ASIC2: variants seen among roughly 807,000 people sequenced by gnomAD.
The protein encoded by ASIC2 is acid sensing ion channel subunit 2.
In ASIC2, 25 loss-of-function variants were observed where a neutral mutation model predicts 57.3. That is an observed-to-expected ratio of 0.44 (90% CI 0.32 to 0.61). The LOEUF (loss-of-function observed/expected upper bound fraction) is 0.61, where lower values mean the gene tolerates loss of function less well. Among genes scored for constraint, ASIC2 ranks in the 20% least tolerant of loss-of-function variants. ASIC2 has a pLI of 0.06. For synonymous variants in ASIC2, 319 were observed against 307.5 expected (o/e 1.04, Z -0.39); for missense variants, 641 against 738.1 (o/e 0.87, Z 1.52).
chr17:33,696,521 A>G (rs1237087118), intron 1 of ASIC2, among the ~76,000 whole-genome samples: 1 of 152,234 alleles, frequency 6.6e-6, no homozygotes, highest in Non-Finnish European at 1.5e-5. Context: ...GAGGATGAGC[A>G]AAGTAGAGTT....
intron 2 of ASIC2, among the ~76,000 whole-genome samples, chr17:33,100,589 C>G (rs2092208228): frequency 6.6e-6 from 1 of 152,236 alleles, no homozygotes; most frequent in Non-Finnish European, 1.5e-5. Context: ...CCCAAACAGA[C>G]TGCAAATGCT....
chr17:33,328,713 A>G (rs1370673221), intron 1 of ASIC2, among the ~76,000 whole-genome samples: 1 of 152,194 alleles, frequency 6.6e-6, no homozygotes, highest in Non-Finnish European at 1.5e-5. Flanking sequence ...ATGCTGCAAG[A>G]AAAATCAGGC....
intron 1 of ASIC2, among the ~76,000 whole-genome samples, chr17:33,662,838 A>G (rs993793483): frequency 1.3e-5 from 2 of 151,830 alleles, no homozygotes; most frequent in African/African-American, 4.8e-5. Context: ...AAAATGAGAA[A>G]CATTTAAGTA....
chr17:34,032,811 A>G (rs1180106213), intron 1 of ASIC2, among the ~76,000 whole-genome samples: 1 of 152,270 alleles, frequency 6.6e-6, no homozygotes, highest in Non-Finnish European at 1.5e-5. Context: ...AAGAAGAGCT[A>G]ACTATCCTAA....
At chr17:33,863,381 T>C (rs1232840090) in intron 1 of ASIC2, among the ~76,000 whole-genome samples, 1 of 152,228 alleles carries the variant, frequency 6.6e-6, no homozygotes, top group Non-Finnish European at 1.5e-5. Flanking sequence ...CTTGTGGGTG[T>C]CTTACTAGGT....
chr17:33,014,572 G>A (rs1184878957), intron 9 of ASIC2, among the ~76,000 whole-genome samples: 1 of 152,052 alleles, frequency 6.6e-6, no homozygotes, highest in Non-Finnish European at 1.5e-5. Context: ...TGGACCCAGG[G>A]CAATGTAGTT....
chr17:34,153,180 G>T (rs981531314), intron 1 of ASIC2, among the ~76,000 whole-genome samples: 2 of 152,224 alleles, frequency 1.3e-5, no homozygotes, highest in Admixed American at 6.5e-5. Context: ...TAGAGCATTT[G>T]CACTGGAGAT....
chr17:34,055,966 T>C (rs917175541), intron 1 of ASIC2, among the ~76,000 whole-genome samples: 5 of 152,164 alleles, frequency 3.3e-5, no homozygotes, highest in African/African-American at 1.2e-4. Context: ...GAAAAGCAGT[T>C]AAGAGGCTAT....
At chr17:33,721,922 G>A (rs1441690677) in intron 1 of ASIC2, among the ~76,000 whole-genome samples, 8 of 152,166 alleles carry the variant, frequency 5.3e-5, no homozygotes, top group Admixed American at 5.2e-4. Flanking sequence ...AGAGATGAAG[G>A]CACATCAAAA....
chr17:34,156,601 G>C lies in ASIC2; in HGVS notation c.-69C>G, dbSNP rs1046092858. Reference sequence around the variant, plus strand: ...TTTCAGAGAAGAGCTCCCAGTCCTCGGGCTCTGCTTAAACCTTGACGTTCA... The same window carrying C: ...TTTCAGAGAAGAGCTCCCAGTCCTCCGGCTCTGCTTAAACCTTGACGTTCA... On this transcript the variant is annotated 5_prime_UTR_variant, in exon 1 of 10. Coordinates refer to the ASIC2 transcript ENST00000359872. This position sits in a 1 kb window ranked among gnomAD's most constrained non-coding sequence, Gnocchi z 4.4. 3.5e-5 allele frequency: 52 copies of C among 1,476,774 alleles called. No homozygotes were observed. The highest frequency in any genetic ancestry group is 2.4e-4 in the Middle Eastern group (1 of 4,198). The allele number at this position is 1,476,774 out of a possible 1,614,324, so 91.5% of individuals were successfully genotyped here. A position where few individuals can be genotyped will look rare whatever the true frequency, so the allele number is the denominator to read the frequency against.
At chr17:33,259,392 T>A (rs1055684804) in intron 1 of ASIC2, among the ~76,000 whole-genome samples, 9 of 152,164 alleles carry the variant, frequency 5.9e-5, no homozygotes, top group Admixed American at 3.9e-4. Context: ...TAAACCTATG[T>A]ATTATACATG....
At chr17:33,987,154 A>G (rs1030794752) in intron 1 of ASIC2, among the ~76,000 whole-genome samples, 5 of 152,210 alleles carry the variant, frequency 3.3e-5, no homozygotes, top group African/African-American at 9.6e-5. Context: ...CCCAGGTCAC[A>G]TGGCTGTAGA....
At chr17:33,456,267 T>C (rs920443178) in intron 1 of ASIC2, among the ~76,000 whole-genome samples, 1 of 152,142 alleles carries the variant, frequency 6.6e-6, no homozygotes, top group African/African-American at 2.4e-5. Flanking sequence ...GGCTTCATTA[T>C]TGTTCTGTTT....
At chr17:33,930,063 G>C (rs554538793) in intron 1 of ASIC2, among the ~76,000 whole-genome samples, 1 of 152,208 alleles carries the variant, frequency 6.6e-6, no homozygotes, top group Non-Finnish European at 1.5e-5. Context: ...TTCTACAATT[G>C]TTCAGGTTAG....
At chr17:33,887,231 T>C (rs1297147017) in intron 1 of ASIC2, among the ~76,000 whole-genome samples, 1 of 152,182 alleles carries the variant, frequency 6.6e-6, no homozygotes, top group Non-Finnish European at 1.5e-5. Context: ...CAAACATGCA[T>C]TGTATTGTGT....
intron 1 of ASIC2, among the ~76,000 whole-genome samples, chr17:33,746,279 CATGTATATACATATACACGT>C (rs1174581616): frequency 6.7e-6 from 1 of 149,570 alleles, no homozygotes; most frequent in African/African-American, 2.5e-5. Context: ...CATACGTGTA[CATGTATATACATATACACGT>C]ATGTATATAC....
intron 1 of ASIC2, among the ~76,000 whole-genome samples, chr17:33,862,063 T>C (rs993597952): frequency 6.6e-6 from 1 of 152,152 alleles, no homozygotes; most frequent in African/African-American, 2.4e-5. Flanking sequence ...GGTCACACCT[T>C]TTACCAGTGT....
chr17:33,943,070 G>C (rs1382913766), intron 1 of ASIC2, among the ~76,000 whole-genome samples: 1 of 152,196 alleles, frequency 6.6e-6, no homozygotes, highest in East Asian at 1.9e-4. Flanking sequence ...TACCTATTCT[G>C]TATATGTGAA....
chr17:34,034,168 C>CA (rs1387393990), intron 1 of ASIC2, among the ~76,000 whole-genome samples: 2 of 152,306 alleles, frequency 1.3e-5, no homozygotes, highest in Admixed American at 1.3e-4. Flanking sequence ...CCACCATGAT[C>CA]AAGTGGGCTT....
Sources: allele counts gnomAD v4.1 joint callset (sites outside exome capture counted in the v4.1 genomes callset), GRCh38; gene constraint gnomAD v4.1.1; non-coding constraint Gnocchi (gnomAD v3.1); transcripts MANE v1.5; gene names NCBI Gene and HGNC (gene_info 2026-07-23, HGNC 2026-07-21).